B3GLCT: variants seen among roughly 807,000 people sequenced by gnomAD.
B3GLCT encodes the protein beta-1,3-glucosyltransferase.
In B3GLCT, 65 loss-of-function variants were observed where a neutral mutation model predicts 63.4. The ratio of observed to expected loss-of-function variants is 1.03; its 90% confidence interval spans 0.84 to 1.26. The LOEUF (loss-of-function observed/expected upper bound fraction) is 1.26, where lower values mean the gene tolerates loss of function less well. Among genes scored for constraint, B3GLCT ranks in the 50% most tolerant of loss-of-function variants. The pLI is 0.00. For missense variants in B3GLCT, 577 were observed against 604.8 expected (o/e 0.95, Z 0.48); for synonymous variants, 233 against 219.2 (o/e 1.06, Z -0.55).
intron 3 of B3GLCT, among the ~76,000 whole-genome samples, chr13:31,227,267 A>G (rs1870147795): frequency 6.6e-6 from 1 of 152,172 alleles, no homozygotes; most frequent in South Asian, 2.1e-4. Context: ...TGAGTTTCTC[A>G]AGGATGATTA....
rs747597532 is a variant in B3GLCT at position 31,276,686 on chromosome 13, CT to C, written c.781-12del. 1.6e-4 allele frequency: 256 copies of C among 1,589,974 alleles called. 1 individual carries two copies. The South Asian group carries it at 1.9e-3, about 12-fold the overall frequency. On this transcript the variant is annotated splice_polypyrimidine_tract_variant and intron_variant, in intron 9 of 14. Coordinates refer to ENST00000343307, the MANE Select transcript of B3GLCT (RefSeq NM_194318.4). ...TGACTCACATATGCATACATTTTTTCTTTTCTTTTTTTTAGAGAAAGCCAGT... is the reference window on the plus strand; with the variant it reads ...TGACTCACATATGCATACATTTTTTCTTTCTTTTTTTTAGAGAAAGCCAGT...
chr13:31,271,155 C>T (rs576637902), intron 8 of B3GLCT, among the ~76,000 whole-genome samples: 2 of 152,340 alleles, frequency 1.3e-5, no homozygotes, highest in South Asian at 4.1e-4. Context: ...TCGGACAAAA[C>T]ATTTGGTGTA....
At chr13:31,219,312 G>A (rs574532042) in intron 2 of B3GLCT, among the ~76,000 whole-genome samples, 2 of 152,224 alleles carry the variant, frequency 1.3e-5, no homozygotes, top group Non-Finnish European at 2.9e-5. Flanking sequence ...CAATAAATGC[G>A]ATTCATCACC....
At chr13:31,298,926 T>TTAG (rs1874091689) in intron 12 of B3GLCT, among the ~76,000 whole-genome samples, 1 of 152,242 alleles carries the variant, frequency 6.6e-6, no homozygotes, top group African/African-American at 2.4e-5. Context: ...GGTTTTTTGC[T>TTAG]TAGAAATCAG....
chr13:31,298,300 T>A (rs1428015936), intron 12 of B3GLCT, among the ~76,000 whole-genome samples: 5 of 152,210 alleles, frequency 3.3e-5, no homozygotes. Context: ...ATACCTTACA[T>A]CAAAAGAACA....
At chr13:31,257,367 AT>A (rs928572972) in intron 6 of B3GLCT, among the ~76,000 whole-genome samples, 10 of 151,474 alleles carry the variant, frequency 6.6e-5, no homozygotes, top group East Asian at 1.9e-4. Context: ...TTTATTATAG[AT>A]TTTTTTTTAA....
intron 6 of B3GLCT, among the ~76,000 whole-genome samples, chr13:31,257,814 G>T (rs1472319133): frequency 6.6e-6 from 1 of 152,098 alleles, no homozygotes; most frequent in African/African-American, 2.4e-5. Context: ...GAGGCGAGTT[G>T]CTTTTTAAAT....
intron 2 of B3GLCT, 30 bp from the exon 3 acceptor site, chr13:31,222,922 T>G: frequency 1.4e-6 from 2 of 1,430,882 alleles, no homozygotes; most frequent in Non-Finnish European, 9.9e-7. Flanking sequence ...GTACTGAGAT[T>G]CATCTTTTTC....
At chr13:31,317,058 C>G (rs918719633) in intron 12 of B3GLCT, among the ~76,000 whole-genome samples, 16 of 152,368 alleles carry the variant, frequency 1.1e-4, no homozygotes, top group African/African-American at 3.8e-4. Flanking sequence ...AGGATAGCCT[C>G]ACTGCCCAAA....
chr13:31,244,141 C>T (rs923313568), intron 4 of B3GLCT, among the ~76,000 whole-genome samples: 1 of 152,132 alleles, frequency 6.6e-6, no homozygotes, highest in Admixed American at 6.5e-5. Flanking sequence ...CTTATTTTCC[C>T]CTTGAATTTT....
At position 31,274,640 on chromosome 13, in the gene B3GLCT, A is replaced by G; in HGVS notation, c.780+12A>G. 1 of 1,614,210 alleles carries G rather than the reference A, an allele frequency of 6.2e-7. No homozygotes were observed. ...TTCTACCGCTTTGTGTGAGTAACAG[A>G]AGAAAAACTTCTTTGCATATCAAAG... On this transcript the variant is annotated intron_variant, in intron 9 of 14. Transcript: ENST00000343307.
At chr13:31,224,624 G>A (rs1199219583) in intron 3 of B3GLCT, among the ~76,000 whole-genome samples, 2 of 152,028 alleles carry the variant, frequency 1.3e-5, no homozygotes, top group East Asian at 3.9e-4. Context: ...CCATGCACGG[G>A]ATGCTGTTTC....
intron 14 of B3GLCT, among the ~76,000 whole-genome samples, chr13:31,328,724 CCGAGA>C: frequency 7.2e-6 from 1 of 139,068 alleles, no homozygotes; most frequent in Admixed American, 7.2e-5. Context: ...AAAAGGTTTA[CCGAGA>C]GAAACTGGAT....
chr13:31,276,395 G>T (rs1872784843), intron 9 of B3GLCT, among the ~76,000 whole-genome samples: 1 of 152,110 alleles, frequency 6.6e-6, no homozygotes, highest in Admixed American at 6.5e-5. Context: ...ATAAATTATA[G>T]TAATAATAGC....
At chr13:31,275,663 A>T (rs1235837703) in intron 9 of B3GLCT, among the ~76,000 whole-genome samples, 1 of 152,116 alleles carries the variant, frequency 6.6e-6, no homozygotes, top group Non-Finnish European at 1.5e-5. Flanking sequence ...CCTGACACTC[A>T]CAAGGTTGTT....
chr13:31,200,132 C>A lies in B3GLCT; in HGVS notation c.48C>A (p.Leu16=). Residue 16 remains leucine, a synonymous_variant, in exon 1 of 15, where the codon CTC becomes CTA. Transcript: ENST00000343307. ...CWWLLAPPAL[L]ALLTCSLAFG... is the part of the protein sequence containing the mutation. ...GGCTGCTCGCGCCGCCGGCGCTGCT[C>A]GCGCTCCTCACCTGCTCCCTGGGTA... 1.5e-6 allele frequency: 2 copies of A among 1,373,738 alleles called. No homozygotes were observed. Among genetic ancestry groups the A allele is most frequent in the South Asian group, 2.8e-5 (2 of 71,410 alleles). The allele number at this position is 1,373,738 out of a possible 1,614,324, so 85.1% of individuals were successfully genotyped here.
rs1323385010 is a variant in B3GLCT at position 31,229,761 on chromosome 13, G to GA, written c.270+467_270+468insA. ...ACTCCTCTGTCTCAAAAAAAAAAAA[G>GA]GAAAAAAACGTTTTGGTTAATTCCT... On this transcript the variant is annotated intron_variant, in intron 4 of 14. Transcript: ENST00000343307. Among the ~76,000 whole-genome samples the GA allele has an allele frequency of 1.7e-4, 24 of 144,772 alleles. 1 individual carries two copies. The East Asian group carries it at 2.4e-3, about 14-fold the overall frequency. The allele number at this position is 144,772 out of a possible 152,430, so 95.0% of individuals were successfully genotyped here. A position where few individuals can be genotyped will look rare whatever the true frequency, so the allele number is the denominator to read the frequency against.
chr13:31,269,929 C>T (rs1302944400), intron 8 of B3GLCT, among the ~76,000 whole-genome samples: 1 of 152,140 alleles, frequency 6.6e-6, no homozygotes, highest in African/African-American at 2.4e-5. Context: ...TATTTAGACT[C>T]CACTCAGTCT....
chr13:31,318,164 A>G (rs900020371), intron 13 of B3GLCT, among the ~76,000 whole-genome samples: 2 of 152,224 alleles, frequency 1.3e-5, no homozygotes, highest in Admixed American at 6.5e-5. Flanking sequence ...TAAATGAAGC[A>G]TCTGCCTAAT....
Sources: allele counts gnomAD v4.1 joint callset (sites outside exome capture counted in the v4.1 genomes callset), GRCh38; gene constraint gnomAD v4.1.1; transcripts MANE v1.5; gene names NCBI Gene and HGNC (gene_info 2026-07-23, HGNC 2026-07-21).